GREM2: variants seen among roughly 807,000 people sequenced by gnomAD.
The protein encoded by GREM2 is gremlin 2, DAN family BMP antagonist, also known as gremlin-2.
GREM2 carries 11 observed loss-of-function variants against 14.2 expected under a neutral mutation model. That is an observed-to-expected ratio of 0.78 (90% CI 0.49 to 1.28). GREM2 has a LOEUF of 1.28. Among genes scored for constraint, GREM2 ranks in the 50% most tolerant of loss-of-function variants. The pLI is 0.00. For synonymous variants in GREM2, 98 were observed against 97.6 expected (o/e 1.00, Z -0.02); for missense variants, 210 against 218.5 (o/e 0.96, Z 0.24).
chr1:240,503,904 T>C (rs1677625992), intron 1 of GREM2, among the ~76,000 whole-genome samples: 2 of 152,216 alleles, frequency 1.3e-5, no homozygotes, highest in Non-Finnish European at 1.5e-5. Flanking sequence ...GGGTATTTAA[T>C]CTTTGTTTCC....
intron 1 of GREM2, among the ~76,000 whole-genome samples, chr1:240,502,859 G>T (rs1677600941): frequency 6.6e-6 from 1 of 152,190 alleles, no homozygotes; most frequent in Non-Finnish European, 1.5e-5. Context: ...TTGAAAGGTG[G>T]TTGGTCCAAG....
Position 240,491,735 on chromosome 1 carries a change from A to G in GREM2, c.*1234T>C, listed in dbSNP as rs1212211265. On this transcript the variant is annotated 3_prime_UTR_variant, in exon 2 of 2. Coordinates refer to ENST00000318160, the MANE Select transcript of GREM2 (RefSeq NM_022469.4). ...TCCCTCTCTTTTTCTCTTTCTTTTA[A>G]CAGGAAATATTTTTTGCCTAGTGTC... 6.6e-6 allele frequency: 1 copy of G among 152,586 alleles called. No homozygotes were observed. The highest frequency in any genetic ancestry group is 1.9e-4 in the East Asian group (1 of 5,202). 9.5% of individuals were successfully genotyped at this position (152,586 alleles called of 1,614,324 possible). A position where few individuals can be genotyped will look rare whatever the true frequency, so the allele number is the denominator to read the frequency against.
intron 1 of GREM2, among the ~76,000 whole-genome samples, chr1:240,528,453 C>G (rs750194960): frequency 3.5e-4 from 54 of 152,164 alleles, no homozygotes; most frequent in Non-Finnish European, 3.8e-4. Flanking sequence ...TCACCTGTCT[C>G]CAAACCCTAA....
At chr1:240,568,704 T>G (rs909405652) in intron 1 of GREM2, among the ~76,000 whole-genome samples, 3 of 152,168 alleles carry the variant, frequency 2.0e-5, no homozygotes, top group Non-Finnish European at 1.5e-5. Flanking sequence ...GAAAGAAAGC[T>G]AGATGAAGAA....
At chr1:240,610,513 C>G (rs1680111954) in intron 1 of GREM2, among the ~76,000 whole-genome samples, 1 of 152,004 alleles carries the variant, frequency 6.6e-6, no homozygotes. Flanking sequence ...AAACAAAAAA[C>G]AAACAAACAA....
At chr1:240,597,174 A>G (rs902316619) in intron 1 of GREM2, among the ~76,000 whole-genome samples, 4 of 152,224 alleles carry the variant, frequency 2.6e-5, no homozygotes, top group Admixed American at 2.6e-4. Context: ...GATCCTTTAG[A>G]AGAAAGCCAG....
At chr1:240,563,385 T>C (rs1679113759) in intron 1 of GREM2, among the ~76,000 whole-genome samples, 1 of 152,200 alleles carries the variant, frequency 6.6e-6, no homozygotes, top group African/African-American at 2.4e-5. Context: ...TCTCTGTTTG[T>C]TACTGCGTAT....
intron 1 of GREM2, among the ~76,000 whole-genome samples, chr1:240,545,366 G>C (rs192637391): frequency 1.3e-5 from 2 of 152,360 alleles, no homozygotes; most frequent in Non-Finnish European, 2.9e-5. Flanking sequence ...CTCTTCGTGC[G>C]TGCCTTGTCC....
At chr1:240,601,704 C>T (rs1471721265) in intron 1 of GREM2, among the ~76,000 whole-genome samples, 3 of 152,030 alleles carry the variant, frequency 2.0e-5, no homozygotes, top group South Asian at 2.1e-4. Flanking sequence ...GTCAGGAGTT[C>T]GAGACCAGCC....
intron 1 of GREM2, among the ~76,000 whole-genome samples, chr1:240,513,686 G>A (rs1003955266): frequency 3.5e-4 from 54 of 152,240 alleles, no homozygotes; most frequent in African/African-American, 1.3e-3. Flanking sequence ...ATGGGGACCA[G>A]ATCATGCATG....
intron 1 of GREM2, among the ~76,000 whole-genome samples, chr1:240,548,844 T>G (rs1177816568): frequency 6.6e-6 from 1 of 152,092 alleles, no homozygotes; most frequent in Non-Finnish European, 1.5e-5. Context: ...GAAAGAAAAC[T>G]TGACGGTAAA....
intron 1 of GREM2, among the ~76,000 whole-genome samples, chr1:240,547,528 T>TAGACAG (rs1262049155): frequency 7.1e-5 from 8 of 113,256 alleles, no homozygotes; most frequent in East Asian, 5.3e-4. Flanking sequence ...TATATATATA[T>TAGACAG]ATATATAGAT....
chr1:240,545,539 C>G (rs989392253), intron 1 of GREM2, among the ~76,000 whole-genome samples: 4 of 152,220 alleles, frequency 2.6e-5, no homozygotes, highest in African/African-American at 9.6e-5. Context: ...GGGTCAGGAG[C>G]ACAGGAGCAC....
chr1:240,559,398 C>T (rs1304509503), intron 1 of GREM2, among the ~76,000 whole-genome samples: 1 of 135,346 alleles, frequency 7.4e-6, no homozygotes, highest in Non-Finnish European at 1.5e-5. Flanking sequence ...GTGTGGAGGA[C>T]AATGGAGAAA....
intron 1 of GREM2, among the ~76,000 whole-genome samples, chr1:240,585,015 GAGA>G (rs1450195936): frequency 6.6e-6 from 1 of 152,130 alleles, no homozygotes; most frequent in Non-Finnish European, 1.5e-5. Flanking sequence ...GTTTACTAGA[GAGA>G]AGATGACATT....
chr1:240,540,453 A>G lies in GREM2; in HGVS notation c.-1-46977T>C, dbSNP rs1167872653. On this transcript the variant is annotated intron_variant, in intron 1 of 1. Transcript: ENST00000318160. This position sits in a 1 kb window ranked among gnomAD's most constrained non-coding sequence, Gnocchi z 4.2. ...TGTCCTTGAATGGGCTGTTTCCTAG[A>G]GCACATATTGATTTAAAACTGAACT... 6.6e-6 allele frequency among the ~76,000 whole-genome samples: 1 copy of G among 152,194 alleles called. No homozygotes were observed. The highest frequency in any genetic ancestry group is 2.4e-5 in the African/African-American group (1 of 41,438).
rs377723833 is a variant in GREM2 at position 240,603,190 on chromosome 1, C to T, written c.-2+8694G>A. On this transcript the variant is annotated intron_variant, in intron 1 of 1. Coordinates refer to ENST00000318160, the MANE Select transcript of GREM2 (RefSeq NM_022469.4). Reference sequence around the variant, plus strand: ...CTGTGACTCCAGGGCACCAGCCACACCTGATCATCAACTGCGGCCTTGAGC... The same window carrying T: ...CTGTGACTCCAGGGCACCAGCCACATCTGATCATCAACTGCGGCCTTGAGC... Among the ~76,000 whole-genome samples the T allele has an allele frequency of 1.6e-4, 25 of 152,314 alleles. 1 individual carries two copies. The East Asian group carries it at 4.4e-3, about 27-fold the overall frequency.
intron 1 of GREM2, among the ~76,000 whole-genome samples, chr1:240,611,085 AAG>A (rs1553281489): frequency 2.0e-5 from 3 of 151,934 alleles, no homozygotes; most frequent in African/African-American, 7.2e-5. Flanking sequence ...AAAAAAAAAA[AAG>A]AAATAGAAGT....
At chr1:240,494,591 CA>C (rs1677363218) in intron 1 of GREM2, among the ~76,000 whole-genome samples, 1 of 152,144 alleles carries the variant, frequency 6.6e-6, no homozygotes, top group Admixed American at 6.5e-5. Flanking sequence ...TCAAATGAGT[CA>C]TAAATTAGAG....
Sources: allele counts gnomAD v4.1 joint callset (sites outside exome capture counted in the v4.1 genomes callset), GRCh38; gene constraint gnomAD v4.1.1; non-coding constraint Gnocchi (gnomAD v3.1); transcripts MANE v1.5; gene names NCBI Gene and HGNC (gene_info 2026-07-23, HGNC 2026-07-21).